TSACC: variants seen among roughly 807,000 people sequenced by gnomAD.
The protein encoded by TSACC is TSSK6 activating cochaperone.
A neutral mutation model predicts 6.9 loss-of-function variants in TSACC; 3 were observed. That is an observed-to-expected ratio of 0.43 (90% confidence interval 0.20 to 1.12). TSACC has a LOEUF of 1.12. TSACC is among the 50% of genes most tolerant of loss of function. The pLI is 0.28. For synonymous variants in TSACC, 54 were observed against 55.1 expected, an observed-to-expected ratio of 0.98 and a Z score of 0.09; for missense variants, 137 against 143.9, an observed-to-expected ratio of 0.95 and a Z score of 0.24.
intron 3 of TSACC, 37 bp downstream of exon 3, chr1:156,344,745 A>C: frequency 6.2e-7 from 1 of 1,605,488 alleles, no homozygotes. Context: ...TGGACTCAAC[A>C]GGGGGAAGGG....
chr1:156,339,830 C>A, intron 2 of TSACC, 39 bp downstream of exon 2: 1 of 1,611,246 alleles, frequency 6.2e-7, no homozygotes, highest in Non-Finnish European at 8.5e-7. Flanking sequence ...CCTTAAAAAG[C>A]AAGACCTCCT....
intron 2 of TSACC, among the ~76,000 whole-genome samples, chr1:156,342,298 C>G (rs909278586): frequency 2.6e-5 from 4 of 152,088 alleles, no homozygotes; most frequent in African/African-American, 4.8e-5. Context: ...GATGACCTAC[C>G]AGTAGAGCCT....
intron 2 of TSACC, among the ~76,000 whole-genome samples, chr1:156,342,531 C>T (rs1022884712): frequency 9.9e-5 from 15 of 152,170 alleles, no homozygotes; most frequent in African/African-American, 3.1e-4. Flanking sequence ...AAGAATAAGA[C>T]ATTTTCCTTC....
chr1:156,339,841 T>C, intron 2 of TSACC, 50 bp downstream of exon 2: 1 of 1,604,394 alleles, frequency 6.2e-7, no homozygotes, highest in African/African-American at 1.3e-5. Flanking sequence ...AAGACCTCCT[T>C]TGCATTCCCC....
chr1:156,337,728 A>T (rs1665488301), upstream of TSACC: 1 of 205,374 alleles, frequency 4.9e-6, no homozygotes, highest in African/African-American at 2.3e-5. Context: ...TCCGTAATAC[A>T]GATTGAAACA....
chr1:156,343,259 A>T (rs1250523001), intron 2 of TSACC, among the ~76,000 whole-genome samples: 1 of 152,198 alleles, frequency 6.6e-6, no homozygotes, highest in Admixed American at 6.5e-5. Context: ...TTCTTTAAGT[A>T]AAAAAGGCAA....
At chr1:156,338,321 G>T (rs1665557580), upstream of TSACC, 10 of 773,356 alleles carry the variant, frequency 1.3e-5, no homozygotes, top group Non-Finnish European at 2.2e-5. Flanking sequence ...CAAGGTAGTC[G>T]CCAATCACCG....
At chr1:156,337,881 T>TG, upstream of TSACC, 2 of 518,936 alleles carry the variant, frequency 3.9e-6, no homozygotes, top group Non-Finnish European at 6.9e-6. Flanking sequence ...GCGTGGGGGC[T>TG]GAGGGACAGA....
At chr1:156,342,716 T>C (rs547480174) in intron 2 of TSACC, among the ~76,000 whole-genome samples, 4 of 152,246 alleles carry the variant, frequency 2.6e-5, no homozygotes, top group Non-Finnish European at 4.4e-5. Context: ...GTGTGCTTGA[T>C]CACCTAATGC....
At chr1:156,339,839 C>T in intron 2 of TSACC, 48 bp downstream of exon 2, 3 of 1,605,102 alleles carry the variant, frequency 1.9e-6, no homozygotes, top group Non-Finnish European at 2.6e-6. Flanking sequence ...GCAAGACCTC[C>T]TTTGCATTCC....
chr1:156,344,639 TA>T lies in TSACC; in HGVS notation c.95del (p.Tyr32LeufsTer14). On this transcript the variant is annotated frameshift_variant, in exon 3 of 4. Coordinates refer to ENST00000368254, the MANE Select transcript of TSACC (RefSeq NM_001304817.2). LOFTEE classifies it high-confidence loss of function. ...CTGTAGAGCAAAACCCTCCCCCAGC[TA>T]TATTAATCTTCAAGCAAGTTCCCCA... ...PLCRAKPSPS[Y>X]INLQASSPPA... 1 of 1,614,098 alleles carries T rather than the reference TA, an allele frequency of 6.2e-7. No homozygotes were observed. The highest frequency in any genetic ancestry group is 1.3e-5 in the African/African-American group (1 of 75,032).
intron 3 of TSACC, 142 bp downstream of exon 3, chr1:156,344,850 A>AT: frequency 9.8e-7 from 1 of 1,020,684 alleles, no homozygotes; most frequent in Non-Finnish European, 1.4e-6. Context: ...CTTGTTGATT[A>AT]TTTAGTTTCA....
chr1:156,339,876 C>T, intron 2 of TSACC, 85 bp downstream of exon 2: 1 of 1,430,030 alleles, frequency 7.0e-7, no homozygotes, highest in Non-Finnish European at 9.8e-7. Flanking sequence ...TTGCTGTATT[C>T]CCAGCACCTA....
At chr1:156,343,329 G>A (rs1351839924) in intron 2 of TSACC, among the ~76,000 whole-genome samples, 4 of 152,164 alleles carry the variant, frequency 2.6e-5, no homozygotes, top group Non-Finnish European at 5.9e-5. Context: ...ATGGGAAGAA[G>A]AGCGGCAAAA....
Position 156,346,808 on chromosome 1 carries a change from T to C in TSACC, c.204T>C (p.Cys68=). Reference sequence around the variant, plus strand: ...AGGAATGCCTAGGACTCCTGGAATGTATGTATGCAAACCTCCAGCTTCAGA... The same window carrying C: ...AGGAATGCCTAGGACTCCTGGAATGCATGTATGCAAACCTCCAGCTTCAGA... ...KPKECLGLLE[C]MYANLQLQTQ... The change falls in exon 4 of 4, where the codon TGT becomes TGC. Residue 68 remains cysteine (C), a synonymous_variant. Transcript: ENST00000368254. 2 of 1,614,186 alleles carry C rather than the reference T, an allele frequency of 1.2e-6. No individual in the cohort carries two copies. Among genetic ancestry groups the C allele is most frequent in the Non-Finnish European group, 1.7e-6 (2 of 1,180,032 alleles).
At chr1:156,338,380 T>C (rs1665563130), upstream of TSACC, 15 of 595,560 alleles carry the variant, frequency 2.5e-5, no homozygotes. Context: ...ACAGCCTTAG[T>C]CCCGCCCCCT....
chr1:156,344,501 C>G, intron 2 of TSACC, 79 bp from the exon 3 acceptor site: 1 of 1,540,138 alleles, frequency 6.5e-7, no homozygotes, highest in African/African-American at 1.4e-5. Context: ...CACCTGCTTT[C>G]ATGGACCAGG....
intron 2 of TSACC, among the ~76,000 whole-genome samples, chr1:156,340,618 C>T (rs1197232249): frequency 6.6e-6 from 1 of 152,032 alleles, no homozygotes; most frequent in Non-Finnish European, 1.5e-5. Flanking sequence ...TGCACCCCCA[C>T]GCCCAGCTAA....
intron 2 of TSACC, among the ~76,000 whole-genome samples, chr1:156,344,118 C>T (rs1666040199): frequency 6.6e-6 from 1 of 152,168 alleles, no homozygotes; most frequent in East Asian, 1.9e-4. Flanking sequence ...ATATTGATCT[C>T]TTCTCCCTTT....
Sources: allele counts gnomAD v4.1 joint callset (sites outside exome capture counted in the v4.1 genomes callset), GRCh38; gene constraint gnomAD v4.1.1; transcripts MANE v1.5; gene names NCBI Gene and HGNC (gene_info 2026-07-23, HGNC 2026-07-21).